GRM4: variants seen among roughly 807,000 people sequenced by gnomAD.
GRM4 encodes metabotropic glutamate receptor 4.
A neutral mutation model predicts 81.7 loss-of-function variants in GRM4; 28 were observed. The observed-to-expected ratio is 0.34, with a 90% CI of 0.25 to 0.47. The LOEUF (loss-of-function observed/expected upper bound fraction) is 0.47. Among genes scored for constraint, GRM4 ranks in the 20% least tolerant of loss-of-function variants. The probability of loss-of-function intolerance (pLI) is 1.00; values close to 1 mark genes in which losing one functional copy is unlikely to be tolerated. For synonymous variants in GRM4, 488 were observed against 528.8 expected (o/e 0.92, Z 1.06); for missense variants, 948 against 1,290.0 (o/e 0.73, Z 4.06).
intron 6 of GRM4, among the ~76,000 whole-genome samples, chr6:34,049,622 G>C (rs1163001224): frequency 6.6e-6 from 1 of 152,078 alleles, no homozygotes; most frequent in African/African-American, 2.4e-5. Flanking sequence ...CTCCACCAAA[G>C]CCCTGCCTTC....
At chr6:34,154,980 C>G (rs1410125542) in intron 1 of GRM4, 8 of 1,031,310 alleles carry the variant, frequency 7.8e-6, no homozygotes, top group Middle Eastern at 2.8e-4. Flanking sequence ...TGGGGCGGGT[C>G]CGAGCGGGAC....
rs1351213563 is a variant in GRM4 at position 34,042,260 on chromosome 6, C to T, written c.1169-1512G>A. On this transcript the variant is annotated intron_variant, in intron 6 of 10. Transcript: ENST00000538487. The surrounding 1 kb of genome is among the most constrained non-coding windows in gnomAD (Gnocchi z 4.2). ...CAGCCTGAGCGACAGAGTGAGACTC[C>T]ATCTCAAAAAGAAACTGAAGCCCTG... Among the ~76,000 whole-genome samples the T allele has an allele frequency of 6.6e-6, 1 of 152,150 alleles. No homozygotes were observed. Among genetic ancestry groups the T allele is most frequent in the Non-Finnish European group, 1.5e-5 (1 of 68,030 alleles).
At position 34,136,298 on chromosome 6, in the gene GRM4, G is replaced by T. The variant is rs561141623; in HGVS notation, c.-363-2439C>A. Among the ~76,000 whole-genome samples, 6 of 152,238 alleles carry T rather than the reference G, an allele frequency of 3.9e-5. No individual in the cohort carries two copies. The highest frequency in any genetic ancestry group is 1.4e-4 in the African/African-American group (6 of 41,536). On this transcript the variant is annotated intron_variant, in intron 1 of 10. Coordinates refer to ENST00000538487, the MANE Select transcript of GRM4 (RefSeq NM_000841.4). The surrounding 1 kb of genome is among the most constrained non-coding windows in gnomAD (Gnocchi z 4.1). ...TGCCCCTGGCTGCTCCTCTGTGCTG[G>T]CCCAGAGGATCTCTCAGGCCTTGCC... is the stretch of plus-strand genomic sequence containing the variant.
intron 1 of GRM4, among the ~76,000 whole-genome samples, chr6:34,142,028 A>AT (rs1312370377): frequency 6.6e-6 from 1 of 152,132 alleles, no homozygotes; most frequent in African/African-American, 2.4e-5. Flanking sequence ...CTCTAACTTA[A>AT]TTTTTTATAG....
chr6:34,043,501 A>G (rs958888828), intron 6 of GRM4, among the ~76,000 whole-genome samples: 1 of 152,108 alleles, frequency 6.6e-6, no homozygotes, highest in Non-Finnish European at 1.5e-5. Context: ...TCACACCCTC[A>G]TCTCATATGG....
chr6:34,038,683 T>TC (rs11449683), intron 8 of GRM4, among the ~76,000 whole-genome samples: 55,632 of 151,638 alleles, frequency 0.37, 13,623 homozygotes, highest in African/African-American at 0.7. Flanking sequence ...CCATCTCACC[T>TC]CCCCCCACCA....
intron 3 of GRM4, among the ~76,000 whole-genome samples, chr6:34,082,031 C>T (rs1767624496): frequency 6.6e-6 from 1 of 151,130 alleles, no homozygotes; most frequent in South Asian, 2.1e-4. Flanking sequence ...CCAATGGGAG[C>T]CTGCGGGACA....
Position 34,130,087 on chromosome 6 carries a change from C to T in GRM4, c.519+2891G>A, listed in dbSNP as rs943703985. On this transcript the variant is annotated intron_variant, in intron 2 of 10. Coordinates refer to ENST00000538487, the MANE Select transcript of GRM4 (RefSeq NM_000841.4). This position sits in a 1 kb window ranked among gnomAD's most constrained non-coding sequence, Gnocchi z 4.1. Reference sequence around the variant, plus strand: ...CCTCCCCCAAGGCATCCCTCCCTCACCCTCTCCTTCCCGAGGCTCCTGCTC... The same window carrying T: ...CCTCCCCCAAGGCATCCCTCCCTCATCCTCTCCTTCCCGAGGCTCCTGCTC... 1.3e-5 allele frequency among the ~76,000 whole-genome samples: 2 copies of T among 152,184 alleles called. No homozygotes were observed. Among genetic ancestry groups the T allele is most frequent in the African/African-American group, 4.8e-5 (2 of 41,440 alleles).
At chr6:34,148,418 A>T (rs900914562), upstream of GRM4, among the ~76,000 whole-genome samples, 1 of 152,020 alleles carries the variant, frequency 6.6e-6, no homozygotes, top group African/African-American at 2.4e-5. Context: ...AGACACATAG[A>T]CTAACACACA....
chr6:34,132,693 C>T (rs570963274), intron 2 of GRM4, among the ~76,000 whole-genome samples: 2 of 152,298 alleles, frequency 1.3e-5, no homozygotes, highest in African/African-American at 4.8e-5. Context: ...AGTTGCTCAC[C>T]GAGCCTCCAG....
intron 5 of GRM4, among the ~76,000 whole-genome samples, chr6:34,058,457 C>T (rs1766013958): frequency 6.6e-6 from 1 of 152,142 alleles, no homozygotes; most frequent in Non-Finnish European, 1.5e-5. Flanking sequence ...AGCCTTCTCC[C>T]CATGGTGAGG....
intron 3 of GRM4, among the ~76,000 whole-genome samples, chr6:34,086,278 C>A (rs944239473): frequency 6.6e-6 from 1 of 152,216 alleles, no homozygotes; most frequent in Non-Finnish European, 1.5e-5. Flanking sequence ...GTCTCCTCAG[C>A]GGGCTGCCAG....
At chr6:34,049,031 G>A (rs1765485958) in intron 6 of GRM4, among the ~76,000 whole-genome samples, 1 of 152,058 alleles carries the variant, frequency 6.6e-6, no homozygotes, top group Non-Finnish European at 1.5e-5. Flanking sequence ...TCCGATTTAA[G>A]CAAACAAACA....
At chr6:34,126,192 C>T (rs56359016) in intron 2 of GRM4, among the ~76,000 whole-genome samples, 4,447 of 152,264 alleles carry the variant, frequency 0.029, 126 homozygotes, top group African/African-American at 0.078. Context: ...GGCCTGGGCT[C>T]AAATCCAGGC....
At position 34,112,267 on chromosome 6, in the gene GRM4, C is replaced by A. The variant is rs182364649; in HGVS notation, c.520-20168G>T. Among the ~76,000 whole-genome samples the A allele has an allele frequency of 1.7e-3, 260 of 152,310 alleles. 1 individual carries two copies. The highest frequency in any genetic ancestry group is 6.6e-3 in the South Asian group (32 of 4,824). ...AATAGCCCCTTTCTTTTCCTCCTCT[C>A]CCCCGCCCCAGGGAGGCAGCATCTC... On this transcript the variant is annotated intron_variant, in intron 2 of 10. Coordinates refer to ENST00000538487, the MANE Select transcript of GRM4 (RefSeq NM_000841.4).
At position 34,129,384 on chromosome 6, in the gene GRM4, C is replaced by T. The variant is rs147185927; in HGVS notation, c.519+3594G>A. The stretch of plus-strand genomic sequence containing the variant: ...GACATGGTAAGTGGAGGTGAGGTAA[C>T]TAGTGGATCAGGGATTCAAACCCAG... On this transcript the variant is annotated intron_variant, in intron 2 of 10. Transcript: ENST00000538487. Among the ~76,000 whole-genome samples, 1,187 of 152,296 alleles carry T rather than the reference C, an allele frequency of 7.8e-3. 62 individuals carry two copies. Among genetic ancestry groups the T allele is most frequent in the Admixed American group, 0.073 (1,123 of 15,296 alleles).
intron 2 of GRM4, among the ~76,000 whole-genome samples, chr6:34,112,555 G>A (rs748175737): frequency 5.9e-5 from 9 of 152,162 alleles, no homozygotes; most frequent in Non-Finnish European, 1.2e-4. Flanking sequence ...GGGGAGAGAA[G>A]GGCCTGAGTG....
At chr6:34,142,711 C>T (rs1044954942) in intron 1 of GRM4, among the ~76,000 whole-genome samples, 4 of 152,208 alleles carry the variant, frequency 2.6e-5, no homozygotes, top group African/African-American at 9.6e-5. Context: ...CTCACCCGCT[C>T]GCTCTCTCAC....
At position 34,047,712 on chromosome 6, in the gene GRM4, C is replaced by G. The variant is rs1202562442; in HGVS notation, c.1169-6964G>C. On this transcript the variant is annotated intron_variant, in intron 6 of 10. Coordinates refer to ENST00000538487, the MANE Select transcript of GRM4 (RefSeq NM_000841.4). This position sits in a 1 kb window ranked among gnomAD's most constrained non-coding sequence, Gnocchi z 4.5. ...CTTCCAGTCCCAGTGAATGATGCAT[C>G]CAGGTGTTTCGAGGGCTTAGTGGTT... 6.6e-6 allele frequency among the ~76,000 whole-genome samples: 1 copy of G among 152,156 alleles called. No individual in the cohort carries two copies. Among genetic ancestry groups the G allele is most frequent in the Non-Finnish European group, 1.5e-5 (1 of 68,032 alleles).
Sources: allele counts gnomAD v4.1 joint callset (sites outside exome capture counted in the v4.1 genomes callset), GRCh38; gene constraint gnomAD v4.1.1; non-coding constraint Gnocchi (gnomAD v3.1); transcripts MANE v1.5; gene names NCBI Gene and HGNC (gene_info 2026-07-23, HGNC 2026-07-21).